RTEL1: variants seen among roughly 807,000 people sequenced by gnomAD.
RTEL1 encodes the protein regulator of telomere elongation helicase 1.
Under a neutral mutation model 162.2 loss-of-function variants are expected in RTEL1, and 86 were observed. That is an observed-to-expected ratio of 0.53 (90% CI 0.45 to 0.63). The LOEUF (loss-of-function observed/expected upper bound fraction) is 0.63. Ranked by LOEUF, RTEL1 falls within the 30% of genes least tolerant of loss-of-function variation. RTEL1 has a pLI of 0.00. For synonymous variants in RTEL1, 958 were observed against 717.9 expected (o/e 1.33, Z -5.35); for missense variants, 1,941 against 1,750.2 (o/e 1.11, Z -1.95).
Position 63,667,541 on chromosome 20 carries a change from G to A in RTEL1, c.687G>A (p.Leu229=). 2 of 1,613,900 alleles carry A rather than the reference G, an allele frequency of 1.2e-6. No individual in the cohort carries two copies. The highest frequency in any genetic ancestry group is 1.7e-6 in the Non-Finnish European group (2 of 1,179,816). The change falls in exon 8 of 35, where the codon TTG becomes TTA. Residue 229 remains leucine, a synonymous_variant. Coordinates refer to ENST00000360203, the MANE Select transcript of RTEL1 (RefSeq NM_001283009.2). The part of the protein sequence containing the change: ...ADIIFMPYNY[L]LDAKSRRAHN... ...TCATATTCATGCCGTACAATTACTT[G>A]TTGGATGCCAAGGTGGGGGCTCAGT...
chr20:63,685,316 C>T (rs2090567617), intron 14 of RTEL1, among the ~76,000 whole-genome samples: 1 of 152,172 alleles, frequency 6.6e-6, no homozygotes. Flanking sequence ...GTTGGGGGAA[C>T]ACAGAGCTCA....
chr20:63,681,444 C>A, intron 14 of RTEL1: 1 of 985,368 alleles, frequency 1.0e-6, no homozygotes, highest in African/African-American at 1.7e-5. Context: ...GAGGCCTCCT[C>A]TGTGCTGCCC....
chr20:63,695,510 C>T lies in RTEL1; in HGVS notation c.3682C>T (p.Gln1228Ter). 1 of 1,611,674 alleles carries T rather than the reference C, an allele frequency of 6.2e-7. No homozygotes were observed. The highest frequency in any genetic ancestry group is 8.5e-7 in the Non-Finnish European group (1 of 1,179,464). ...GEPHGRDIAG[Q>*]QATGAPGGPL... The stretch of plus-strand genomic sequence containing the variant: ...GCCTCATGGGAGAGACATCGCTGGG[C>T]AGCAGGCCACGGGAGCTCCGGGCGG... Residue 1228 changes from glutamine to a stop codon, truncating the protein, a stop_gained, in exon 34 of 35, where the codon CAG becomes TAG. Coordinates refer to ENST00000360203, the MANE Select transcript of RTEL1 (RefSeq NM_001283009.2). LOFTEE classifies it high-confidence loss of function.
intron 14 of RTEL1, chr20:63,681,938 G>A: frequency 1.0e-6 from 1 of 985,442 alleles, no homozygotes; most frequent in Middle Eastern, 5.2e-4. Flanking sequence ...CCCGCATGGA[G>A]TGTGGTTGGC....
At chr20:63,690,514 C>T (rs1016530389) in intron 26 of RTEL1, 73 bp downstream of exon 26, 20 of 1,400,692 alleles carry the variant, frequency 1.4e-5, no homozygotes, top group East Asian at 4.8e-5. Flanking sequence ...CAGCACCAGG[C>T]GCCCAGGGCG....
At chr20:63,677,716 C>T (rs2090385272) in intron 10 of RTEL1, among the ~76,000 whole-genome samples, 1 of 151,654 alleles carries the variant, frequency 6.6e-6, no homozygotes, top group Non-Finnish European at 1.5e-5. Context: ...TGGATTTGGC[C>T]TGCACGGATT....
intron 30 of RTEL1, among the ~76,000 whole-genome samples, 170 bp downstream of exon 30, chr20:63,693,453 A>T (rs1480655179): frequency 1.4e-4 from 5 of 37,006 alleles, no homozygotes; most frequent in Admixed American, 3.6e-4. Flanking sequence ...CAGCAGCACC[A>T]CCTCCACCTC....
At chr20:63,684,932 C>T (rs2090557311) in intron 14 of RTEL1, among the ~76,000 whole-genome samples, 1 of 151,818 alleles carries the variant, frequency 6.6e-6, no homozygotes, top group African/African-American at 2.4e-5. Flanking sequence ...GGCTGGAGTG[C>T]AGTGGGACCA....
chr20:63,693,364 G>C lies in RTEL1; in HGVS notation c.2992+81G>C, dbSNP rs983252863. 3.2e-6 allele frequency: 5 copies of C among 1,545,744 alleles called. No homozygotes were observed. The African/African-American group carries it at 5.5e-5, about 17-fold the overall frequency. ...CAGAGTCCTGGGCTGCTTGGGGTGG[G>C]CATCCTCGGGCCCTGCTTGGCCCCG... On this transcript the variant is annotated intron_variant, in intron 30 of 34. Coordinates refer to ENST00000360203, the MANE Select transcript of RTEL1 (RefSeq NM_001283009.2).
At chr20:63,665,934 G>A in intron 6 of RTEL1, 70 bp from the exon 7 acceptor site, 1 of 1,459,812 alleles carries the variant, frequency 6.9e-7, no homozygotes, top group Non-Finnish European at 9.6e-7. Context: ...TTCTGTCCTG[G>A]GCATCCCCCT....
At chr20:63,687,350 A>G in intron 16 of RTEL1, 1 of 361,064 alleles carries the variant, frequency 2.8e-6, no homozygotes, top group Non-Finnish European at 5.0e-6. Context: ...TTTCTGCAGA[A>G]GTTTAGGGTT....
chr20:63,663,053 C>T (rs536538101), intron 6 of RTEL1, 164 bp downstream of exon 6: 525 of 679,378 alleles, frequency 7.7e-4, no homozygotes, highest in Non-Finnish European at 1.2e-3. Context: ...TGTTAGACTT[C>T]TGTGTGGAAG....
chr20:63,677,274 T>C (rs373612268), intron 10 of RTEL1, among the ~76,000 whole-genome samples: 5 of 152,190 alleles, frequency 3.3e-5, no homozygotes, highest in Admixed American at 3.3e-4. Flanking sequence ...GGTGTTTTCG[T>C]GGAGATACAG....
intron 10 of RTEL1, among the ~76,000 whole-genome samples, chr20:63,676,871 G>A (rs961509696): frequency 6.6e-6 from 1 of 151,962 alleles, no homozygotes; most frequent in Non-Finnish European, 1.5e-5. Flanking sequence ...GGAGGCGGAG[G>A]TTGCAGTGAG....
At chr20:63,692,672 G>A (rs1333468357) in intron 28 of RTEL1, 133 bp from the exon 29 acceptor site, 7 of 864,070 alleles carry the variant, frequency 8.1e-6, no homozygotes, top group Admixed American at 2.3e-5. Context: ...CAGCCAGCCA[G>A]TTTCTCAGGC....
chr20:63,690,285 G>A lies in RTEL1; in HGVS notation c.2266-9G>A, dbSNP rs917815049. 3 of 1,603,782 alleles carry A rather than the reference G, an allele frequency of 1.9e-6. No individual in the cohort carries two copies. In the South Asian group the frequency reaches 3.3e-5, roughly 18 times the overall value. On this transcript the variant is annotated splice_polypyrimidine_tract_variant and intron_variant, in intron 25 of 34. Transcript: ENST00000360203. ...AGAAATGGGTCCACCCACCCCCATG[G>A]TTCTGCAGATGCCAGCGCCGGCCCC...
Position 63,694,185 on chromosome 20 carries a change from C to T in RTEL1, c.2993-187C>T, listed in dbSNP as rs563733859. On this transcript the variant is annotated intron_variant, in intron 30 of 34. Coordinates refer to ENST00000360203, the MANE Select transcript of RTEL1 (RefSeq NM_001283009.2). ...GGCTTTGGCCTGCCCGCCACTGTTC[C>T]AGCCCCCATCCAGCAGGCTGGTGTC... The T allele has an allele frequency of 1.6e-4, 98 of 612,206 alleles. 1 individual carries two copies. In the African/African-American group the frequency reaches 1.6e-3, roughly 10 times the overall value. 37.9% of individuals were successfully genotyped at this position (612,206 alleles called of 1,614,324 possible).
At position 63,687,757 on chromosome 20, in the gene RTEL1, C is replaced by T; in HGVS notation, c.1468C>T (p.Leu490=). ...GCTGGCCCCGGTGTCCTCCTTTGCT[C>T]TGGAGATGCAGATGTACGGGCCACC... is the stretch of plus-strand genomic sequence containing the variant. ...GTLAPVSSFA[L]EMQIPFPVCL... The change falls in exon 17 of 35, where the codon CTG becomes TTG. Residue 490 remains leucine (L), a synonymous_variant. Transcript: ENST00000360203. 1 of 1,577,746 alleles carries T rather than the reference C, an allele frequency of 6.3e-7. No individual in the cohort carries two copies. The highest frequency in any genetic ancestry group is 2.3e-5 in the East Asian group (1 of 42,976).
chr20:63,660,839 G>A (rs2090005344), intron 2 of RTEL1: 1 of 170,944 alleles, frequency 5.8e-6, no homozygotes, highest in South Asian at 1.3e-4. Flanking sequence ...AGTGGTGCAG[G>A]TTGCCTTCTC....
Sources: gnomAD v4.1 joint callset for allele counts (sites outside exome capture counted in the v4.1 genomes callset) on GRCh38, gnomAD v4.1.1 for gene constraint, MANE v1.5 for transcripts, NCBI Gene and HGNC (gene_info 2026-07-23, HGNC 2026-07-21) for gene names.